The following KIF5A variants were observed in gnomAD, a reference collection of about 807,000 sequenced individuals.
KIF5A encodes the protein kinesin family member 5A.
In KIF5A, 35 loss-of-function variants were observed where a neutral mutation model predicts 141.3. The ratio of observed to expected loss-of-function variants is 0.25; its 90% confidence interval spans 0.19 to 0.33. KIF5A has a LOEUF of 0.33. KIF5A is among the 10% of genes least tolerant of loss of function. The probability of loss-of-function intolerance (pLI) is 1.00; values close to 1 mark genes in which losing one functional copy is unlikely to be tolerated. For missense variants in KIF5A, 861 were observed against 1,314.3 expected (o/e 0.66, Z 5.33); for synonymous variants, 448 against 500.2 (o/e 0.90, Z 1.39).
intron 1 of KIF5A, among the ~76,000 whole-genome samples, chr12:57,559,430 A>G (rs1408230320): frequency 6.6e-6 from 1 of 152,156 alleles, no homozygotes; most frequent in African/African-American, 2.4e-5. Flanking sequence ...CATAGTTTTA[A>G]TATGCATTTT....
chr12:57,576,477 G>A (rs761421201), intron 19 of KIF5A, 99 bp downstream of exon 19: 15 of 926,780 alleles, frequency 1.6e-5, no homozygotes, highest in Non-Finnish European at 2.6e-5. Context: ...TAACATCCAT[G>A]TGTCATTCCC....
chr12:57,583,854 G>C (rs982179774), intron 28 of KIF5A, among the ~76,000 whole-genome samples: 2 of 152,180 alleles, frequency 1.3e-5, no homozygotes, highest in Non-Finnish European at 2.9e-5. Flanking sequence ...CTTTGTTCTT[G>C]TGTGTCACTG....
Position 57,570,019 on chromosome 12 carries a change from G to C in KIF5A, c.1150G>C (p.Gly384Arg), listed in dbSNP as rs143326964. Residue 384 changes from glycine to arginine, a missense_variant, in exon 12 of 29, where the codon GGG becomes CGG. Physicochemically the swap from Gly to Arg is moderately radical, Grantham distance 125. Transcript: ENST00000455537. ...ENVPETERLAGEEAALGAELC... is the reference protein window; with the variant it reads ...ENVPETERLAREEAALGAELC... The stretch of plus-strand genomic sequence containing the variant: ...TGTGCCTGAGACAGAGCGCCTGGCT[G>C]GGGAGGAGGCAGCCCTGGGAGCCGA... 5.2e-4 allele frequency: 839 copies of C among 1,613,702 alleles called. 3 individuals are homozygous for C. The highest frequency in any genetic ancestry group is 1.3e-3 in the Admixed American group (79 of 60,022).
At chr12:57,551,039 T>G (rs1168199583) in intron 1 of KIF5A, among the ~76,000 whole-genome samples, 1 of 151,964 alleles carries the variant, frequency 6.6e-6, no homozygotes, top group Non-Finnish European at 1.5e-5. Flanking sequence ...TGCCTTTTGG[T>G]CCCAGGTACA....
chr12:57,565,649 G>C (rs1327015154), intron 6 of KIF5A, among the ~76,000 whole-genome samples: 2 of 135,446 alleles, frequency 1.5e-5, no homozygotes, highest in Admixed American at 1.6e-4. Context: ...TTTGGAGACA[G>C]AGTCTCACTC....
In KIF5A at chr12:57,565,947, A is replaced by T. The variant is rs545144132; in HGVS notation, c.501+974A>T. The stretch of plus-strand genomic sequence containing the variant: ...GTCTCTTGTTTAAAAAAAAAAAAAA[A>T]TTTTTGTCAGGCATGGTGGCACACA... On this transcript the variant is annotated intron_variant, in intron 6 of 28. Transcript: ENST00000455537. 1.4e-3 allele frequency among the ~76,000 whole-genome samples: 214 copies of T among 147,670 alleles called. 1 individual carries two copies. In the East Asian group the frequency reaches 0.017, roughly 12 times the overall value.
In KIF5A at chr12:57,578,286, CAGA is replaced by C. The variant is rs1157838640; in HGVS notation, c.2486_2488del (p.Lys829del). ...CAGTGGGGGGATTCACTCCCAAAAG[CAGA>C]AGATTTCCTTTCTTGAGAACAACCT... On this transcript the variant is annotated inframe_deletion, in exon 23 of 29. Transcript: ENST00000455537. 6.8e-6 allele frequency: 11 copies of C among 1,614,020 alleles called. No homozygotes were observed. The highest frequency in any genetic ancestry group is 2.7e-5 in the African/African-American group (2 of 74,926).
chr12:57,567,514 C>T lies in KIF5A; in HGVS notation c.610C>T (p.Arg204Trp), dbSNP rs1555177629. The change falls in exon 8 of 29, where the codon CGG becomes TGG. Residue 204 changes from arginine (R) to tryptophan (W), a missense_variant. Around this residue, in one of 5 missense-constraint regions of KIF5A, gnomAD observed 146 missense variants for 353.4 expected, o/e 0.41. Coordinates refer to ENST00000455537, the MANE Select transcript of KIF5A (RefSeq NM_004984.4). ...AVTNMNEHSS[R>W]SHSIFLINIK... Reference sequence around the variant, plus strand: ...TGCAGACATGAATGAACACAGCTCTCGGAGCCACAGCATCTTCCTCATCAA... The same window carrying T: ...TGCAGACATGAATGAACACAGCTCTTGGAGCCACAGCATCTTCCTCATCAA... 6.2e-7 allele frequency: 1 copy of T among 1,613,272 alleles called. No individual in the cohort carries two copies. Among genetic ancestry groups the T allele is most frequent in the Non-Finnish European group, 8.5e-7 (1 of 1,179,794 alleles).
chr12:57,551,639 A>G (rs953958800), intron 1 of KIF5A, among the ~76,000 whole-genome samples: 2 of 152,212 alleles, frequency 1.3e-5, no homozygotes, highest in African/African-American at 4.8e-5. Flanking sequence ...AGTCAAGGTC[A>G]GAGGTGCTTC....
chr12:57,572,668 G>A lies in KIF5A; in HGVS notation c.1658G>A (p.Gly553Glu). 1.2e-6 allele frequency: 2 copies of A among 1,614,244 alleles called. No homozygotes were observed. Among genetic ancestry groups the A allele is most frequent in the Non-Finnish European group, 1.7e-6 (2 of 1,180,052 alleles). ...AAACGAATTGCTGAGGTGCTGAACG[G>A]GCTGATGAAGGATCTGAGCGAGTTC... Reference protein sequence around the residue: ...QRKRIAEVLNGLMKDLSEFSV... With the variant: ...QRKRIAEVLNELMKDLSEFSV... The change falls in exon 15 of 29, where the codon GGG becomes GAG. Residue 553 changes from glycine to glutamate, a missense_variant. Transcript: ENST00000455537. This position sits in a 1 kb window ranked among gnomAD's most constrained non-coding sequence, Gnocchi z 4.2.
At chr12:57,581,603 C>A (rs1882604630) in intron 25 of KIF5A, 35 bp downstream of exon 25, 1 of 1,611,576 alleles carries the variant, frequency 6.2e-7, no homozygotes, top group African/African-American at 1.3e-5. Context: ...GAGTCCCACC[C>A]AAAGCTCCCT....
chr12:57,567,646 G>A (rs1449596337), intron 8 of KIF5A, 28 bp downstream of exon 8: 10 of 1,586,026 alleles, frequency 6.3e-6, no homozygotes, highest in Non-Finnish European at 8.5e-6. Context: ...TATGGGGTGG[G>A]TGGAAGCCTT....
At chr12:57,559,832 C>T (rs995875165) in intron 1 of KIF5A, among the ~76,000 whole-genome samples, 9 of 152,222 alleles carry the variant, frequency 5.9e-5, no homozygotes, top group South Asian at 2.1e-4. Flanking sequence ...ATTCTTTCAA[C>T]GTGTTTTTGA....
At position 57,585,579 on chromosome 12, in the gene KIF5A, G is replaced by A. The variant is rs1882735580; in HGVS notation, c.*1398G>A. On this transcript the variant is annotated 3_prime_UTR_variant, in exon 29 of 29. Coordinates refer to ENST00000455537, the MANE Select transcript of KIF5A (RefSeq NM_004984.4). ...CATTCCAAACCAGGAGAGAAAGTCTGGTGTCCTGATATCCAGTCTTTTCTA... is the reference window on the plus strand; with the variant it reads ...CATTCCAAACCAGGAGAGAAAGTCTAGTGTCCTGATATCCAGTCTTTTCTA... 2 of 154,420 alleles carry A rather than the reference G, an allele frequency of 1.3e-5. No individual in the cohort carries two copies. The highest frequency in any genetic ancestry group is 5.4e-4 in the Middle Eastern group (1 of 1,850). The allele number at this position is 154,420 out of a possible 1,614,324, so 9.6% of individuals were successfully genotyped here. A position where few individuals can be genotyped will look rare whatever the true frequency, so the allele number is the denominator to read the frequency against.
intron 15 of KIF5A, among the ~76,000 whole-genome samples, chr12:57,573,938 C>T (rs143931609): frequency 0.029 from 4,457 of 151,714 alleles, 102 homozygotes; most frequent in South Asian, 0.067. Context: ...AAAAAATTAG[C>T]CAGGCATGGT....
rs745556414 is a variant in KIF5A at position 57,569,412 on chromosome 12, G to T, written c.968+8G>T. 1.4e-5 allele frequency: 23 copies of T among 1,613,966 alleles called. 1 individual carries two copies. In the South Asian group the frequency reaches 2.5e-4, roughly 18 times the overall value. On this transcript the variant is annotated splice_region_variant and intron_variant, in intron 10 of 28. Coordinates refer to ENST00000455537, the MANE Select transcript of KIF5A (RefSeq NM_004984.4). ...CCTGATGTTTGGGCAGCGGTCAGTG[G>T]CAGGGTCCCCAGAGGGATCCCTGGT...
At chr12:57,560,288 C>A (rs1373521379) in intron 1 of KIF5A, among the ~76,000 whole-genome samples, 1 of 152,200 alleles carries the variant, frequency 6.6e-6, no homozygotes, top group Non-Finnish European at 1.5e-5. Context: ...CTAAATGTTA[C>A]TCCTTTAAGT....
Position 57,572,513 on chromosome 12 carries a change from C to T in KIF5A, c.1570-67C>T. On this transcript the variant is annotated intron_variant, in intron 14 of 28. Transcript: ENST00000455537. This position sits in a 1 kb window ranked among gnomAD's most constrained non-coding sequence, Gnocchi z 4.2. ...TCAGGGTCTTGCATGAAGGGAGAGG[C>T]CTCTGCCTGGGCTGGGCAAGGGAGC... 9 of 1,602,568 alleles carry T rather than the reference C, an allele frequency of 5.6e-6. No individual in the cohort carries two copies. The highest frequency in any genetic ancestry group is 7.7e-6 in the Non-Finnish European group (9 of 1,171,518).
chr12:57,559,728 C>G (rs1881853424), intron 1 of KIF5A, among the ~76,000 whole-genome samples: 1 of 152,128 alleles, frequency 6.6e-6, no homozygotes, highest in Admixed American at 6.6e-5. Context: ...TAGCAGGTAG[C>G]TGCTGTTTTG....
Sources: allele counts gnomAD v4.1 joint callset (sites outside exome capture counted in the v4.1 genomes callset), GRCh38; gene constraint gnomAD v4.1.1; regional missense constraint gnomAD v4.1.1; non-coding constraint Gnocchi (gnomAD v3.1); transcripts MANE v1.5; gene names NCBI Gene and HGNC (gene_info 2026-07-23, HGNC 2026-07-21).